The following PTPRT variants were observed in gnomAD, a reference collection of about 807,000 sequenced individuals.
PTPRT encodes the protein protein tyrosine phosphatase receptor type T.
Under a neutral mutation model 176.8 loss-of-function variants are expected in PTPRT, and 56 were observed. The ratio of observed to expected loss-of-function variants is 0.32; its 90% CI spans 0.26 to 0.40. The LOEUF (loss-of-function observed/expected upper bound fraction) is 0.40, where lower values mean the gene tolerates loss of function less well. PTPRT is among the 10% of genes least tolerant of loss of function. The pLI, the probability that PTPRT is intolerant of heterozygous loss-of-function variation, is 1.00. For synonymous variants in PTPRT, 783 were observed against 739.0 expected (o/e 1.06, Z -0.96); for missense variants, 1,540 against 1,908.2 (o/e 0.81, Z 3.60).
At chr20:42,531,572 A>G (rs1281777177) in intron 7 of PTPRT, among the ~76,000 whole-genome samples, 1 of 152,200 alleles carries the variant, frequency 6.6e-6, no homozygotes, top group Non-Finnish European at 1.5e-5. Context: ...CCTTGGCTGC[A>G]GCCTCCAACA....
chr20:42,064,428 A>G, the PTPRT span, among the ~76,000 whole-genome samples: 1 of 152,088 alleles, frequency 6.6e-6, no homozygotes, highest in Non-Finnish European at 1.5e-5. Context: ...ATAGAGTTCT[A>G]TAGCTTTCTT....
At chr20:42,576,227 C>T (rs1423654540) in intron 7 of PTPRT, among the ~76,000 whole-genome samples, 2 of 152,186 alleles carry the variant, frequency 1.3e-5, no homozygotes, top group African/African-American at 4.8e-5. Context: ...TCCCTCTCCT[C>T]ATTTTGACTC....
chr20:42,464,723 A>C (rs1371752230), intron 8 of PTPRT, among the ~76,000 whole-genome samples: 2 of 152,198 alleles, frequency 1.3e-5, no homozygotes, highest in African/African-American at 4.8e-5. Flanking sequence ...TCACTCTTAC[A>C]CTAAATGACT....
In PTPRT at chr20:42,843,916, T is replaced by C. The variant is rs376694622; in HGVS notation, c.214+41891A>G. Among the ~76,000 whole-genome samples the C allele has an allele frequency of 5.3e-5, 8 of 152,220 alleles. No individual in the cohort carries two copies. The South Asian group carries it at 1.7e-3, about 32-fold the overall frequency. On this transcript the variant is annotated intron_variant, in intron 2 of 30. Transcript: ENST00000373187. Reference sequence around the variant, plus strand: ...GCCAGGAAAAAATAATGCATGCGAGTGTGTTGCATGGAAAATCTCAGAAAC... The same window carrying C: ...GCCAGGAAAAAATAATGCATGCGAGCGTGTTGCATGGAAAATCTCAGAAAC...
chr20:42,146,785 T>C (rs1160491274), intron 17 of PTPRT, among the ~76,000 whole-genome samples: 1 of 152,238 alleles, frequency 6.6e-6, no homozygotes, highest in Non-Finnish European at 1.5e-5. Flanking sequence ...TCAAACTCTT[T>C]AGTGCAACAT....
intron 5 of PTPRT, among the ~76,000 whole-genome samples, chr20:42,757,749 G>A (rs553079183): frequency 2.7e-4 from 41 of 152,284 alleles, no homozygotes; most frequent in South Asian, 8.3e-4. Context: ...GTGAATACAC[G>A]TGGGCTTTTG....
chr20:42,136,197 T>C (rs547905562), intron 18 of PTPRT, among the ~76,000 whole-genome samples: 7 of 150,536 alleles, frequency 4.7e-5, no homozygotes, highest in Non-Finnish European at 8.9e-5. Context: ...TCTTTCTTCC[T>C]GTCTTCTGGG....
At chr20:42,733,402 T>C (rs1213729335) in intron 6 of PTPRT, among the ~76,000 whole-genome samples, 1 of 152,208 alleles carries the variant, frequency 6.6e-6, no homozygotes, top group Non-Finnish European at 1.5e-5. Flanking sequence ...TGCTTTGCCT[T>C]GTGAAGATAA....
At chr20:42,166,176 G>C (rs1989817155) in intron 16 of PTPRT, among the ~76,000 whole-genome samples, 1 of 152,130 alleles carries the variant, frequency 6.6e-6, no homozygotes, top group Admixed American at 6.5e-5. Context: ...CTTATCCAGA[G>C]CCAGATCAAG....
At chr20:42,580,499 T>C (rs1443256314) in intron 7 of PTPRT, among the ~76,000 whole-genome samples, 1 of 152,166 alleles carries the variant, frequency 6.6e-6, no homozygotes, top group Non-Finnish European at 1.5e-5. Flanking sequence ...TTGGGCAGTA[T>C]GGCCATTTTC....
chr20:42,575,987 T>C (rs2073252907), intron 7 of PTPRT, among the ~76,000 whole-genome samples: 1 of 152,150 alleles, frequency 6.6e-6, no homozygotes, highest in African/African-American at 2.4e-5. Flanking sequence ...CTTAAAACTC[T>C]TCAGAGGTTC....
At chr20:42,349,083 T>C (rs908651899) in intron 11 of PTPRT, among the ~76,000 whole-genome samples, 1 of 152,218 alleles carries the variant, frequency 6.6e-6, no homozygotes, top group Non-Finnish European at 1.5e-5. Context: ...CTATCATTTC[T>C]AGATGAAGCT....
intron 11 of PTPRT, among the ~76,000 whole-genome samples, chr20:42,322,847 T>G (rs6072684): frequency 0.25 from 37,961 of 151,914 alleles, 5,569 homozygotes; most frequent in Non-Finnish European, 0.33. Flanking sequence ...AGAAAATTTT[T>G]GCAGCCTACT....
At chr20:42,331,244 A>G (rs2145435474) in intron 11 of PTPRT, among the ~76,000 whole-genome samples, 1 of 152,274 alleles carries the variant, frequency 6.6e-6, no homozygotes, top group South Asian at 2.1e-4. Flanking sequence ...AAACAAGACT[A>G]GCTTCCATGG....
intron 1 of PTPRT, among the ~76,000 whole-genome samples, chr20:43,105,333 C>T (rs539606928): frequency 5.3e-5 from 8 of 152,064 alleles, no homozygotes; most frequent in Non-Finnish European, 1.0e-4. Flanking sequence ...CCCCCACTTC[C>T]CCAGCCCCCT....
chr20:42,473,379 T>A (rs530882965), intron 7 of PTPRT, among the ~76,000 whole-genome samples: 26 of 152,298 alleles, frequency 1.7e-4, no homozygotes, highest in Admixed American at 7.2e-4. Flanking sequence ...TAGATTTTTT[T>A]AATATAAAAC....
chr20:42,943,969 T>C (rs1265467161), intron 1 of PTPRT, among the ~76,000 whole-genome samples: 1 of 152,014 alleles, frequency 6.6e-6, no homozygotes, highest in Admixed American at 6.6e-5. Flanking sequence ...CAGGGAGCTA[T>C]GATGGCACCA....
intron 18 of PTPRT, among the ~76,000 whole-genome samples, chr20:42,134,943 A>C (rs1988303019): frequency 1.3e-5 from 2 of 152,294 alleles, no homozygotes; most frequent in South Asian, 4.1e-4. Context: ...CAGTTGCTCA[A>C]ATGCACTGTG....
At chr20:42,777,359 A>G (rs138895126) in intron 4 of PTPRT, among the ~76,000 whole-genome samples, 152 of 152,122 alleles carry the variant, frequency 1.0e-3, no homozygotes, top group African/African-American at 3.5e-3. Context: ...TGCAACCACT[A>G]TCTCCTCTGT....
Sources: allele counts gnomAD v4.1 joint callset (sites outside exome capture counted in the v4.1 genomes callset), GRCh38; gene constraint gnomAD v4.1.1; transcripts MANE v1.5; gene names NCBI Gene and HGNC (gene_info 2026-07-23, HGNC 2026-07-21).